The following TMEM184C variants were observed in gnomAD, a reference collection of about 807,000 sequenced individuals.
The protein encoded by TMEM184C is transmembrane protein 34.
In TMEM184C, 25 loss-of-function variants were observed where a neutral mutation model predicts 54.5. That is an observed-to-expected ratio of 0.46 (90% CI 0.33 to 0.64). The LOEUF is 0.64. Ranked by LOEUF, TMEM184C falls within the 30% of genes least tolerant of loss-of-function variation. The probability of loss-of-function intolerance (pLI) is 0.02; values close to 1 mark genes in which losing one functional copy is unlikely to be tolerated. For synonymous variants in TMEM184C, 148 were observed against 181.5 expected (o/e 0.82, Z 1.49); for missense variants, 335 against 520.3 (o/e 0.64, Z 3.46).
At position 147,634,387 on chromosome 4, in the gene TMEM184C, A is replaced by C. The variant is rs777405335; in HGVS notation, c.1270A>C (p.Thr424Pro). ...GATATCTGATGAAATCCTTAGTGAT[A>C]CTATAGGAGAGAAAAAAGAACCTTC... Reference protein sequence around the residue: ...AKISDEILSDTIGEKKEPSDK... With the variant: ...AKISDEILSDPIGEKKEPSDK... Residue 424 changes from threonine to proline, a missense_variant, in exon 10 of 10, where the codon ACT (threonine) becomes CCT (proline). By Grantham distance (38) the Thr-to-Pro change is conservative. Transcript: ENST00000296582. 24 of 1,613,906 alleles carry C rather than the reference A, an allele frequency of 1.5e-5. No individual in the cohort carries two copies. The highest frequency in any genetic ancestry group is 1.9e-5 in the Non-Finnish European group (23 of 1,179,984).
chr4:147,617,932 A>G lies in TMEM184C; in HGVS notation c.-25A>G, dbSNP rs762559292. ...TCTTTTCGAGATCTTTTCCCTTGCT[A>G]ACCGGATCTGATTTGTGCGAAAACA... On this transcript the variant is annotated 5_prime_UTR_variant, in exon 1 of 10. An upstream open reading frame in the 5' UTR loses its in-frame stop. Transcript: ENST00000296582. The G allele has an allele frequency of 6.2e-7, 1 of 1,613,526 alleles. No homozygotes were observed. Among genetic ancestry groups the G allele is most frequent in the East Asian group, 2.2e-5 (1 of 44,864 alleles).
chr4:147,621,254 G>GCACTCTCTCCTATTCATCTC (rs1443172615), intron 1 of TMEM184C, among the ~76,000 whole-genome samples: 1 of 152,000 alleles, frequency 6.6e-6, no homozygotes, highest in Non-Finnish European at 1.5e-5. Flanking sequence ...GGCCCAGAAA[G>GCACTCTCTCCTATTCATCTC]CACTCTCTCC....
chr4:147,624,699 A>T, intron 3 of TMEM184C, 105 bp from the exon 4 acceptor site: 1 of 1,010,946 alleles, frequency 9.9e-7, no homozygotes, highest in Non-Finnish European at 1.5e-6. Context: ...GTATATGACA[A>T]GACATCTCAA....
intron 5 of TMEM184C, 29 bp from the exon 6 acceptor site, chr4:147,629,570 C>G: frequency 2.0e-6 from 3 of 1,519,024 alleles, no homozygotes; most frequent in Non-Finnish European, 2.7e-6. Context: ...TTGATTTAAT[C>G]AGAGATATCT....
intron 1 of TMEM184C, among the ~76,000 whole-genome samples, chr4:147,623,030 C>T (rs76081517): frequency 8.9e-4 from 135 of 152,304 alleles, no homozygotes; most frequent in African/African-American, 3.1e-3. Flanking sequence ...CAGCCCTTTT[C>T]AAGCTTTCTA....
At chr4:147,620,441 G>C (rs1490792789) in intron 1 of TMEM184C, among the ~76,000 whole-genome samples, 2 of 152,200 alleles carry the variant, frequency 1.3e-5, no homozygotes, top group African/African-American at 2.4e-5. Context: ...AAAGATCTGA[G>C]AAGTTACCAT....
intron 8 of TMEM184C, among the ~76,000 whole-genome samples, chr4:147,633,291 CT>C (rs1732949624): frequency 6.6e-6 from 1 of 151,792 alleles, no homozygotes; most frequent in South Asian, 2.1e-4. Flanking sequence ...ATGAAATGTA[CT>C]TTGCTAAGAA....
intron 1 of TMEM184C, among the ~76,000 whole-genome samples, chr4:147,620,354 T>C (rs939430336): frequency 8.5e-5 from 13 of 152,134 alleles, no homozygotes; most frequent in African/African-American, 2.9e-4. Context: ...ATTACCTCCA[T>C]AGAACTTGGT....
chr4:147,628,333 G>C, intron 4 of TMEM184C, 28 bp from the exon 5 acceptor site: 1 of 1,578,976 alleles, frequency 6.3e-7, no homozygotes, highest in Non-Finnish European at 8.6e-7. Flanking sequence ...ATGAGTAGTT[G>C]AAATTCTAAG....
chr4:147,632,187 A>AG (rs1409149693), intron 7 of TMEM184C, among the ~76,000 whole-genome samples: 1 of 151,574 alleles, frequency 6.6e-6, no homozygotes, highest in African/African-American at 2.4e-5. Flanking sequence ...AAAAAAAAAA[A>AG]AAGAATTTAG....
chr4:147,631,506 G>GT lies in TMEM184C; in HGVS notation c.779+2dup, dbSNP rs768072837. 1 of 1,601,174 alleles carries GT rather than the reference G, an allele frequency of 6.2e-7. No homozygotes were observed. ...AGCTGGTGGTTTTTGTTTCTTTTTGGTAAGTGTTACTTTTTTTTAAATGTT... is the reference window on the plus strand; with the variant it reads ...AGCTGGTGGTTTTTGTTTCTTTTTGGTTAAGTGTTACTTTTTTTTAAATGTT... On this transcript the variant is annotated splice_donor_variant, in intron 7 of 9. Coordinates refer to ENST00000296582, the MANE Select transcript of TMEM184C (RefSeq NM_018241.3). LOFTEE classifies it high-confidence loss of function.
chr4:147,636,579 A>G lies in TMEM184C; in HGVS notation c.*2145A>G, dbSNP rs1005455218. 2.0e-5 allele frequency: 3 copies of G among 152,276 alleles called. No individual in the cohort carries two copies. The highest frequency in any genetic ancestry group is 4.4e-5 in the Non-Finnish European group (3 of 67,978). 9.4% of individuals were successfully genotyped at this position (152,276 alleles called of 1,614,324 possible). Reference sequence around the variant, plus strand: ...CTGACCCTTGGCAATGATTTTTTGGATATCACACCAAAAGCTCAGTCAACA... The same window carrying G: ...CTGACCCTTGGCAATGATTTTTTGGGTATCACACCAAAAGCTCAGTCAACA... On this transcript the variant is annotated 3_prime_UTR_variant, in exon 10 of 10. Transcript: ENST00000296582.
At chr4:147,625,799 G>C (rs1038625815) in intron 4 of TMEM184C, among the ~76,000 whole-genome samples, 5 of 152,176 alleles carry the variant, frequency 3.3e-5, no homozygotes, top group Non-Finnish European at 5.9e-5. Context: ...CACCTAGACA[G>C]AACCGATTCA....
intron 1 of TMEM184C, among the ~76,000 whole-genome samples, 153 bp downstream of exon 1, chr4:147,618,232 T>C (rs1560949972): frequency 6.6e-6 from 1 of 152,214 alleles, no homozygotes; most frequent in East Asian, 1.9e-4. Context: ...TCTAATTTCT[T>C]GTTCACGGTT....
Position 147,618,185 on chromosome 4 carries a change from C to T in TMEM184C, c.123+106C>T, listed in dbSNP as rs1438027301. ...CTGCCCTGACAGTCCTGAAAACCAT[C>T]TAATGTAAACGAGCCTACTCTTAGG... On this transcript the variant is annotated intron_variant, in intron 1 of 9. Coordinates refer to ENST00000296582, the MANE Select transcript of TMEM184C (RefSeq NM_018241.3). 3 of 1,497,894 alleles carry T rather than the reference C, an allele frequency of 2.0e-6. No individual in the cohort carries two copies. In the Admixed American group the frequency reaches 5.3e-5, roughly 26 times the overall value. 92.8% of individuals were successfully genotyped at this position (1,497,894 alleles called of 1,614,324 possible).
At chr4:147,628,784 A>G (rs1386714207) in intron 5 of TMEM184C, among the ~76,000 whole-genome samples, 2 of 152,172 alleles carry the variant, frequency 1.3e-5, no homozygotes, top group Non-Finnish European at 2.9e-5. Context: ...TCTATTTTCT[A>G]CATAGTTAAT....
At position 147,635,620 on chromosome 4, in the gene TMEM184C, T is replaced by TCTA. The variant is rs1733013717; in HGVS notation, c.*1187_*1189dup. 6.6e-6 allele frequency: 1 copy of TCTA among 152,192 alleles called. No homozygotes were observed. Among genetic ancestry groups the TCTA allele is most frequent in the Admixed American group, 6.5e-5 (1 of 15,286 alleles). The allele number at this position is 152,192 out of a possible 1,614,324, so 9.4% of individuals were successfully genotyped here. A position where few individuals can be genotyped will look rare whatever the true frequency, so the allele number is the denominator to read the frequency against. On this transcript the variant is annotated 3_prime_UTR_variant, in exon 10 of 10. Transcript: ENST00000296582. ...GTATTTATACACATACTCATTCATA[T>TCTA]CTATCTATATATATAGAGAGAGATA... is the stretch of plus-strand genomic sequence containing the variant.
At chr4:147,628,597 A>G (rs1052609625) in intron 5 of TMEM184C, among the ~76,000 whole-genome samples, 162 bp downstream of exon 5, 1 of 152,190 alleles carries the variant, frequency 6.6e-6, no homozygotes, top group African/African-American at 2.4e-5. Context: ...AAAATAAATA[A>G]CATGACCATT....
chr4:147,628,368 C>T lies in TMEM184C; in HGVS notation c.505C>T (p.Leu169=), dbSNP rs1732851752. Residue 169 remains leucine, a synonymous_variant, in exon 5 of 10, where the codon CTG becomes TTG. Transcript: ENST00000296582. ...CPPWAMGEVL[L]FRCKLGVLQY... ...GTTCTTTTTCTTTTGCAGAGTATTG[C>T]TGTTTAGGTGCAAACTAGGTGTATT... 1.9e-6 allele frequency: 3 copies of T among 1,611,564 alleles called. No homozygotes were observed. Among genetic ancestry groups the T allele is most frequent in the Non-Finnish European group, 2.5e-6 (3 of 1,179,342 alleles).
Sources: allele counts gnomAD v4.1 joint callset (sites outside exome capture counted in the v4.1 genomes callset), GRCh38; gene constraint gnomAD v4.1.1; transcripts MANE v1.5; gene names NCBI Gene and HGNC (gene_info 2026-07-23, HGNC 2026-07-21).